GUCY1A2: variants seen among roughly 807,000 people sequenced by gnomAD.
GUCY1A2 encodes guanylate cyclase soluble subunit alpha-2.
Under a neutral mutation model 63.5 loss-of-function variants are expected in GUCY1A2, and 27 were observed. The observed-to-expected ratio is 0.43, with a 90% CI of 0.31 to 0.59. The LOEUF is 0.59. Among genes scored for constraint, GUCY1A2 ranks in the 20% least tolerant of loss-of-function variants. The pLI, the probability that GUCY1A2 is intolerant of heterozygous loss-of-function variation, is 0.11. For synonymous variants in GUCY1A2, 364 were observed against 343.5 expected (o/e 1.06, Z -0.66); for missense variants, 768 against 913.3 (o/e 0.84, Z 2.05).
At chr11:106,964,836 T>C (rs1008151137) in intron 3 of GUCY1A2, among the ~76,000 whole-genome samples, 9 of 151,836 alleles carry the variant, frequency 5.9e-5, no homozygotes, top group East Asian at 1.9e-4. Context: ...AAAAATTAGC[T>C]GGGCGTGGTG....
chr11:106,995,514 C>T (rs538918834), intron 1 of GUCY1A2, among the ~76,000 whole-genome samples: 7 of 152,292 alleles, frequency 4.6e-5, no homozygotes, highest in Admixed American at 4.6e-4. Context: ...TAACTCCTGG[C>T]TAGCCTGTGT....
At chr11:106,843,775 AC>A (rs1168516417) in intron 4 of GUCY1A2, among the ~76,000 whole-genome samples, 2 of 151,880 alleles carry the variant, frequency 1.3e-5, no homozygotes, top group Non-Finnish European at 2.9e-5. Flanking sequence ...CTGACACAAT[AC>A]TAATTATTCT....
intron 4 of GUCY1A2, among the ~76,000 whole-genome samples, chr11:106,847,695 G>A (rs151319917): frequency 5.3e-5 from 8 of 151,674 alleles, no homozygotes; most frequent in African/African-American, 1.9e-4. Flanking sequence ...TGTAGAGGCT[G>A]AGCCCTAGAA....
intron 4 of GUCY1A2, 105 bp from the exon 5 acceptor site, chr11:106,810,583 T>C: frequency 2.4e-6 from 2 of 846,546 alleles, no homozygotes; most frequent in Non-Finnish European, 3.6e-6. Context: ...TTATTAGCAA[T>C]ACTGAGTTAC....
chr11:106,910,051 T>C (rs906813536), intron 4 of GUCY1A2, among the ~76,000 whole-genome samples: 2 of 152,012 alleles, frequency 1.3e-5, no homozygotes, highest in Non-Finnish European at 2.9e-5. Context: ...TAATCAGAAA[T>C]GCAGGTATGC....
chr11:106,925,821 T>C (rs1860514121), intron 4 of GUCY1A2, among the ~76,000 whole-genome samples: 1 of 152,044 alleles, frequency 6.6e-6, no homozygotes, highest in South Asian at 2.1e-4. Flanking sequence ...GAAAAATCAA[T>C]CCAAACATTA....
intron 3 of GUCY1A2, among the ~76,000 whole-genome samples, chr11:106,955,518 C>T (rs1050415133): frequency 9.2e-5 from 14 of 152,076 alleles, no homozygotes; most frequent in African/African-American, 3.1e-4. Context: ...AATCCCTCAG[C>T]ATTTGCTTGT....
chr11:106,821,621 T>A (rs1858904282), intron 4 of GUCY1A2, among the ~76,000 whole-genome samples: 1 of 152,110 alleles, frequency 6.6e-6, no homozygotes, highest in South Asian at 2.1e-4. Flanking sequence ...AATTCTACAC[T>A]TTTTTCAAGG....
rs1037804888 is a variant in GUCY1A2, at chr11:106,922,588, A to G, written c.1206+16872T>C. Among the ~76,000 whole-genome samples the G allele has an allele frequency of 3.7e-4, 55 of 148,238 alleles. 1 individual carries two copies. The highest frequency in any genetic ancestry group is 1.2e-3 in the African/African-American group (50 of 40,262). On this transcript the variant is annotated intron_variant, in intron 4 of 7. Coordinates refer to ENST00000526355, the MANE Select transcript of GUCY1A2 (RefSeq NM_000855.3). ...TATGTTTTTAAAAAATCTATACTTC[A>G]TGGGTTTCTTTTATTCAAATTGTCC...
intron 5 of GUCY1A2, among the ~76,000 whole-genome samples, chr11:106,802,944 AC>A (rs1360638769): frequency 1.3e-5 from 2 of 152,134 alleles, no homozygotes; most frequent in Non-Finnish European, 2.9e-5. Flanking sequence ...AAAATCAAAA[AC>A]ACCAATCTGT....
intron 6 of GUCY1A2, among the ~76,000 whole-genome samples, chr11:106,773,544 G>C (rs185682019): frequency 6.6e-6 from 1 of 152,304 alleles, no homozygotes; most frequent in Admixed American, 6.5e-5. Context: ...ACGTCTAGGA[G>C]AGGAAATGCT....
intron 4 of GUCY1A2, among the ~76,000 whole-genome samples, chr11:106,904,097 C>G (rs1324223558): frequency 6.6e-6 from 1 of 152,110 alleles, no homozygotes; most frequent in Non-Finnish European, 1.5e-5. Context: ...TATTTGACAG[C>G]AGCCACAAAG....
At chr11:106,952,686 T>G (rs1416235796) in intron 3 of GUCY1A2, among the ~76,000 whole-genome samples, 1 of 151,956 alleles carries the variant, frequency 6.6e-6, no homozygotes, top group African/African-American at 2.4e-5. Context: ...AGTCTTGATC[T>G]ATTGCCCAGG....
At chr11:106,955,179 T>G (rs1226591995) in intron 3 of GUCY1A2, among the ~76,000 whole-genome samples, 2 of 151,910 alleles carry the variant, frequency 1.3e-5, no homozygotes, top group Non-Finnish European at 2.9e-5. Context: ...TCCTTGTTGG[T>G]CAGGCTGGTC....
chr11:106,936,754 T>C (rs771397029), intron 4 of GUCY1A2: 1 of 1,113,404 alleles, frequency 9.0e-7, no homozygotes, highest in South Asian at 1.4e-5. Context: ...GGTTCATTGG[T>C]ATTAAATGCA....
At chr11:106,767,504 A>G (rs1591267970) in intron 6 of GUCY1A2, among the ~76,000 whole-genome samples, 1 of 152,158 alleles carries the variant, frequency 6.6e-6, no homozygotes, top group African/African-American at 2.4e-5. Flanking sequence ...ATTTTTAGAA[A>G]TGTATGCCTG....
At chr11:106,801,608 G>A (rs1858604899) in intron 5 of GUCY1A2, among the ~76,000 whole-genome samples, 1 of 152,050 alleles carries the variant, frequency 6.6e-6, no homozygotes, top group Non-Finnish European at 1.5e-5. Flanking sequence ...CTAAATTCAA[G>A]TAGCATCTGC....
Position 106,681,523 on chromosome 11 carries a change from T to C in GUCY1A2, c.*6026A>G. ...AATAGAAATCATATTTTTATAGCCA[T>C]GTTTAAAATTATGCACCAGAAATAA... On this transcript the variant is annotated 3_prime_UTR_variant, in exon 8 of 8. Transcript: ENST00000526355. The C allele has an allele frequency of 4.5e-6, 1 of 220,580 alleles. No individual in the cohort carries two copies. The highest frequency in any genetic ancestry group is 6.6e-5 in the East Asian group (1 of 15,158). The allele number at this position is 220,580 out of a possible 1,614,324, so 13.7% of individuals were successfully genotyped here.
chr11:106,780,886 G>C (rs938111406), intron 5 of GUCY1A2, among the ~76,000 whole-genome samples: 1 of 151,968 alleles, frequency 6.6e-6, no homozygotes, highest in East Asian at 1.9e-4. Context: ...AGCTTTCCAG[G>C]AATGCTCCAT....
Sources: allele counts gnomAD v4.1 joint callset (sites outside exome capture counted in the v4.1 genomes callset), GRCh38; gene constraint gnomAD v4.1.1; transcripts MANE v1.5; gene names NCBI Gene and HGNC (gene_info 2026-07-23, HGNC 2026-07-21).